The following PRDM5 variants were observed in gnomAD, a reference collection of about 807,000 sequenced individuals.
The protein encoded by PRDM5 is PR domain zinc finger protein 5.
In PRDM5, 56 loss-of-function variants were observed where a neutral mutation model predicts 81.2. That is an observed-to-expected ratio of 0.69 (90% CI 0.56 to 0.86). PRDM5 has a LOEUF of 0.86. Ranked by LOEUF, PRDM5 falls within the 40% of genes least tolerant of loss-of-function variation. The probability of loss-of-function intolerance (pLI) is 0.00; values close to 1 mark genes in which losing one functional copy is unlikely to be tolerated. For missense variants in PRDM5, 697 were observed against 770.1 expected (o/e 0.91, Z 1.12); for synonymous variants, 267 against 256.4 (o/e 1.04, Z -0.39).
intron 14 of PRDM5, among the ~76,000 whole-genome samples, chr4:120,738,669 T>C (rs1004657089): frequency 1.3e-5 from 2 of 152,184 alleles, no homozygotes; most frequent in African/African-American, 2.4e-5. Flanking sequence ...AATGGTGATA[T>C]TGAGATACAA....
At position 120,693,795 on chromosome 4, in the gene PRDM5, T is replaced by C. The variant is rs1471182749; in HGVS notation, c.*1316A>G. On this transcript the variant is annotated 3_prime_UTR_variant, in exon 16 of 16. Coordinates refer to ENST00000264808, the MANE Select transcript of PRDM5 (RefSeq NM_018699.4). ...GCTTCAGTTAGAGAGGTTCATGAGT[T>C]GGGCTTCATTTTAACGTTTTTCTGG... 1 of 152,134 alleles carries C rather than the reference T, an allele frequency of 6.6e-6. No individual in the cohort carries two copies. Among genetic ancestry groups the C allele is most frequent in the Non-Finnish European group, 1.5e-5 (1 of 68,026 alleles). The allele number at this position is 152,134 out of a possible 1,614,324, so 9.4% of individuals were successfully genotyped here.
chr4:120,689,078 G>C (rs144408809), downstream of PRDM5, among the ~76,000 whole-genome samples: 7 of 152,040 alleles, frequency 4.6e-5, no homozygotes, highest in Non-Finnish European at 7.4e-5. Flanking sequence ...GATGCAACTC[G>C]GGTCAGATCT....
At chr4:120,852,383 A>G (rs547858401) in intron 3 of PRDM5, among the ~76,000 whole-genome samples, 1 of 152,248 alleles carries the variant, frequency 6.6e-6, no homozygotes, top group South Asian at 2.1e-4. Flanking sequence ...AATAAAGTAT[A>G]TTGCCCTCCA....
chr4:120,821,108 G>A (rs1755199921), intron 4 of PRDM5, 63 bp downstream of exon 4: 1 of 1,557,294 alleles, frequency 6.4e-7, no homozygotes, highest in Non-Finnish European at 8.9e-7. Context: ...TTCAACCACA[G>A]TTTAAACTAC....
intron 1 of PRDM5, among the ~76,000 whole-genome samples, chr4:120,685,364 T>A (rs1444108637): frequency 3.3e-5 from 5 of 152,008 alleles, no homozygotes; most frequent in African/African-American, 1.2e-4. Context: ...AATATCTTCT[T>A]TTGATGTTTT....
rs555645665 is a variant in PRDM5, at chr4:120,727,664, G to A, written c.1624-17251C>T. ...AAAGTACCAGTGAAGGGCCAGGCAC[G>A]GTGGCTCACGCATGTAATCCCAACA... On this transcript the variant is annotated intron_variant, in intron 14 of 15. Transcript: ENST00000264808. 2.0e-5 allele frequency among the ~76,000 whole-genome samples: 3 copies of A among 152,224 alleles called. 1 individual carries two copies. The South Asian group carries it at 6.2e-4, about 32-fold the overall frequency.
chr4:120,740,994 T>C (rs1356775641), intron 14 of PRDM5, among the ~76,000 whole-genome samples: 3 of 152,182 alleles, frequency 2.0e-5, no homozygotes, highest in Non-Finnish European at 4.4e-5. Context: ...AGTCACATTT[T>C]TTTCTGGCCT....
At chr4:120,717,483 AT>A (rs1474996853) in intron 14 of PRDM5, among the ~76,000 whole-genome samples, 1 of 152,232 alleles carries the variant, frequency 6.6e-6, no homozygotes, top group Non-Finnish European at 1.5e-5. Flanking sequence ...GTATCTTCAA[AT>A]GTTACATTTT....
chr4:120,765,782 A>G (rs1250031901), intron 13 of PRDM5, among the ~76,000 whole-genome samples: 2 of 152,182 alleles, frequency 1.3e-5, no homozygotes, highest in Non-Finnish European at 1.5e-5. Flanking sequence ...AGAGGGTCAA[A>G]CAGTGTATCA....
At chr4:120,892,231 T>C (rs992527721) in intron 2 of PRDM5, among the ~76,000 whole-genome samples, 2 of 152,158 alleles carry the variant, frequency 1.3e-5, no homozygotes, top group East Asian at 1.9e-4. Context: ...GATTGTTTTA[T>C]GCCTATGTGG....
chr4:120,788,812 A>G (rs1240471502), intron 10 of PRDM5, among the ~76,000 whole-genome samples: 2 of 152,208 alleles, frequency 1.3e-5, no homozygotes, highest in Non-Finnish European at 2.9e-5. Flanking sequence ...ACTTTTGTCA[A>G]GAAGGATGCC....
At chr4:120,850,009 A>C (rs1280988345) in intron 3 of PRDM5, among the ~76,000 whole-genome samples, 1 of 152,080 alleles carries the variant, frequency 6.6e-6, no homozygotes, top group Admixed American at 6.6e-5. Flanking sequence ...TCAGATACTT[A>C]AGTCATCATT....
chr4:120,876,667 T>C (rs973237824), intron 2 of PRDM5, among the ~76,000 whole-genome samples: 2 of 152,168 alleles, frequency 1.3e-5, no homozygotes, highest in East Asian at 1.9e-4. Context: ...ACATCAGATA[T>C]ATTCCAGGGT....
intron 14 of PRDM5, among the ~76,000 whole-genome samples, chr4:120,725,865 T>C (rs1739324458): frequency 6.6e-6 from 1 of 152,122 alleles, no homozygotes; most frequent in African/African-American, 2.4e-5. Context: ...ATAAGAAGAA[T>C]TCTGCTAACA....
chr4:120,876,674 G>C (rs1762359660), intron 2 of PRDM5, among the ~76,000 whole-genome samples: 1 of 152,088 alleles, frequency 6.6e-6, no homozygotes, highest in African/African-American at 2.4e-5. Flanking sequence ...ATATATTCCA[G>C]GGTGAAATTA....
intron 15 of PRDM5, among the ~76,000 whole-genome samples, chr4:120,696,702 ATTT>A (rs141861520): frequency 6.6e-6 from 1 of 150,614 alleles, no homozygotes; most frequent in Admixed American, 6.6e-5. Flanking sequence ...GTCAGTGTAC[ATTT>A]TTTTTTTCTC....
At chr4:120,846,464 C>T (rs1758664330) in intron 3 of PRDM5, among the ~76,000 whole-genome samples, 1 of 152,190 alleles carries the variant, frequency 6.6e-6, no homozygotes, top group South Asian at 2.1e-4. Flanking sequence ...ATTGAAGGCT[C>T]AGATAATCAT....
At chr4:120,774,415 A>G (rs1188328504) in intron 13 of PRDM5, among the ~76,000 whole-genome samples, 1 of 152,272 alleles carries the variant, frequency 6.6e-6, no homozygotes, top group Non-Finnish European at 1.5e-5. Context: ...CACAGGGAGA[A>G]GAAAACACTG....
At chr4:120,732,792 C>T (rs1288268015) in intron 14 of PRDM5, among the ~76,000 whole-genome samples, 1 of 152,130 alleles carries the variant, frequency 6.6e-6, no homozygotes, top group African/African-American at 2.4e-5. Flanking sequence ...AGAAATATTC[C>T]TGCTATAACT....
Sources: gnomAD v4.1 joint callset for allele counts (sites outside exome capture counted in the v4.1 genomes callset) on GRCh38, gnomAD v4.1.1 for gene constraint, MANE v1.5 for transcripts, NCBI Gene and HGNC (gene_info 2026-07-23, HGNC 2026-07-21) for gene names.